Variants in OXR1 observed in about 807,000 individuals in gnomAD.
The protein encoded by OXR1 is oxidation resistance protein 1.
Under a neutral mutation model 104.6 loss-of-function variants are expected in OXR1, and 41 were observed. The ratio of observed to expected loss-of-function variants is 0.39; its 90% CI spans 0.31 to 0.51. The LOEUF (loss-of-function observed/expected upper bound fraction) is 0.51. OXR1 is among the 20% of genes least tolerant of loss of function. The pLI, the probability that OXR1 is intolerant of heterozygous loss-of-function variation, is 0.77. For missense variants in OXR1, 955 were observed against 1,031.9 expected, an observed-to-expected ratio of 0.93 and a Z score of 1.02; for synonymous variants, 348 against 348.4, an observed-to-expected ratio of 1.00 and a Z score of 0.01.
intron 3 of OXR1, among the ~76,000 whole-genome samples, chr8:106,571,040 G>A (rs1817433112): frequency 6.6e-6 from 1 of 151,914 alleles, no homozygotes; most frequent in Non-Finnish European, 1.5e-5. Flanking sequence ...GGGACACATT[G>A]TTCCAAAGAG....
rs147367425 is a variant in OXR1, at chr8:106,371,138, A to G, written c.23+11502A>G. Among the ~76,000 whole-genome samples the G allele has an allele frequency of 3.1e-3, 465 of 151,984 alleles. 9 individuals carry two copies. The highest frequency in any genetic ancestry group is 0.024 in the Admixed American group (359 of 15,268). ...TCCTGGTTTAGTCTTGGTAGCATGTATGCGTCCAGGAATTTATCCATTTCT... is the reference window on the plus strand; with the variant it reads ...TCCTGGTTTAGTCTTGGTAGCATGTGTGCGTCCAGGAATTTATCCATTTCT... On this transcript the variant is annotated intron_variant, in intron 2 of 16. Coordinates refer to ENST00000517566, the MANE Select transcript of OXR1 (RefSeq NM_001198533.2).
chr8:106,699,328 A>T (rs1036187620), intron 7 of OXR1, among the ~76,000 whole-genome samples: 1 of 152,140 alleles, frequency 6.6e-6, no homozygotes, highest in African/African-American at 2.4e-5. Context: ...GCTGGAAGGG[A>T]ACCCTTTGTA....
chr8:106,590,516 G>A (rs879663250), intron 3 of OXR1, among the ~76,000 whole-genome samples: 2 of 152,132 alleles, frequency 1.3e-5, no homozygotes, highest in Non-Finnish European at 1.5e-5. Context: ...TCAATCTCCT[G>A]ACCTCATGGT....
At chr8:106,725,046 A>G (rs2131483020) in intron 11 of OXR1, among the ~76,000 whole-genome samples, 1 of 152,308 alleles carries the variant, frequency 6.6e-6, no homozygotes, top group Admixed American at 6.5e-5. Flanking sequence ...GAGTGTGACC[A>G]CAATGCACTG....
chr8:106,403,189 C>G (rs899928354), intron 2 of OXR1, among the ~76,000 whole-genome samples: 1 of 152,218 alleles, frequency 6.6e-6, no homozygotes, highest in Non-Finnish European at 1.5e-5. Flanking sequence ...CAAGACTTTT[C>G]TGCTTATACC....
chr8:106,609,891 G>A (rs1199718353), intron 3 of OXR1, among the ~76,000 whole-genome samples: 2 of 151,754 alleles, frequency 1.3e-5, no homozygotes, highest in African/African-American at 4.8e-5. Flanking sequence ...CAAACAGAAA[G>A]CAAATGGGAT....
rs555395058 is a variant in OXR1, at chr8:106,354,439, A to C, written c.-138-5037A>C. ...TGCCCTGAGTGGAATTCAAATATATATGTACCTCATTACCTGCACAGTACA... is the reference window on the plus strand; with the variant it reads ...TGCCCTGAGTGGAATTCAAATATATCTGTACCTCATTACCTGCACAGTACA... On this transcript the variant is annotated intron_variant, in intron 1 of 16. Transcript: ENST00000517566. 5.6e-4 allele frequency among the ~76,000 whole-genome samples: 85 copies of C among 152,264 alleles called. 1 individual carries two copies. In the South Asian group the frequency reaches 0.017, roughly 30 times the overall value.
intron 7 of OXR1, among the ~76,000 whole-genome samples, chr8:106,696,936 T>C (rs955001656): frequency 2.0e-5 from 3 of 152,162 alleles, no homozygotes; most frequent in African/African-American, 7.2e-5. Context: ...CAGCTGTGGC[T>C]GGGGCAGCAG....
intron 11 of OXR1, among the ~76,000 whole-genome samples, chr8:106,722,186 C>A (rs114418827): frequency 2.6e-5 from 4 of 152,018 alleles, no homozygotes; most frequent in Non-Finnish European, 5.9e-5. Context: ...ATATGTTAAA[C>A]GCACAAAACC....
intron 1 of OXR1, among the ~76,000 whole-genome samples, chr8:106,340,236 C>A (rs888453475): frequency 2.1e-5 from 3 of 146,046 alleles, no homozygotes; most frequent in Admixed American, 6.8e-5. Context: ...AAAAAAAAAA[C>A]CTTCTGACTT....
At chr8:106,551,790 A>T (rs1020185981) in intron 3 of OXR1, among the ~76,000 whole-genome samples, 3 of 25,418 alleles carry the variant, frequency 1.2e-4, no homozygotes, top group Non-Finnish European at 4.0e-4. Flanking sequence ...TCCACTATAC[A>T]TATATATATA....
At chr8:106,363,727 G>T (rs1816346056) in intron 2 of OXR1, among the ~76,000 whole-genome samples, 1 of 152,036 alleles carries the variant, frequency 6.6e-6, no homozygotes. Context: ...TAGCCATCTA[G>T]GTTGGACCTT....
At chr8:106,663,917 C>T (rs1826013217) in intron 3 of OXR1, among the ~76,000 whole-genome samples, 1 of 152,062 alleles carries the variant, frequency 6.6e-6, no homozygotes, top group African/African-American at 2.4e-5. Context: ...CTGGAGTGTA[C>T]CAGTTGTTAC....
chr8:106,406,707 AAT>A (rs1818250794), intron 2 of OXR1, among the ~76,000 whole-genome samples: 2 of 152,152 alleles, frequency 1.3e-5, no homozygotes. Context: ...GAGAGGGATG[AAT>A]AGGTAGAGTA....
intron 2 of OXR1, among the ~76,000 whole-genome samples, chr8:106,483,823 A>G (rs1012916672): frequency 2.0e-5 from 3 of 151,896 alleles, no homozygotes; most frequent in Non-Finnish European, 4.4e-5. Context: ...TGGGGAACCA[A>G]CCTCCCCCAG....
chr8:106,456,871 G>T (rs1001683747), intron 2 of OXR1, among the ~76,000 whole-genome samples: 7 of 152,178 alleles, frequency 4.6e-5, no homozygotes, highest in African/African-American at 1.7e-4. Flanking sequence ...GTGTTTGTGT[G>T]TGTTGTATGT....
chr8:106,710,661 A>G lies in OXR1; in HGVS notation c.1664A>G (p.His555Arg), dbSNP rs772871191. Residue 555 changes from histidine to arginine, a missense_variant, in exon 10 of 17, where the codon CAT (histidine) becomes CGT (arginine). Coordinates refer to ENST00000517566, the MANE Select transcript of OXR1 (RefSeq NM_001198533.2). ...AAAGAAAAGCAAAGGCATCGATTAC[A>G]TAAGTTCTTGTGTCTCAGAGTTGGA... is the stretch of plus-strand genomic sequence containing the variant. The part of the protein sequence containing the change: ...LLKEKQRHRL[H>R]KFLCLRVGKP... 5.0e-6 allele frequency: 8 copies of G among 1,596,924 alleles called. No individual in the cohort carries two copies. In the African/African-American group the frequency reaches 5.4e-5, roughly 11 times the overall value.
intron 1 of OXR1, among the ~76,000 whole-genome samples, chr8:106,359,140 A>G (rs1268246909): frequency 2.1e-5 from 3 of 145,970 alleles, no homozygotes; most frequent in Non-Finnish European, 4.5e-5. Context: ...TAATCTTTTT[A>G]TCACAGGTAT....
At chr8:106,543,844 T>A (rs2130349479) in intron 3 of OXR1, among the ~76,000 whole-genome samples, 1 of 152,282 alleles carries the variant, frequency 6.6e-6, no homozygotes, top group East Asian at 1.9e-4. Context: ...CAGCCCTAAG[T>A]CTACCATGTC....
Sources: gnomAD v4.1 joint callset for allele counts (sites outside exome capture counted in the v4.1 genomes callset) on GRCh38, gnomAD v4.1.1 for gene constraint, MANE v1.5 for transcripts, NCBI Gene and HGNC (gene_info 2026-07-23, HGNC 2026-07-21) for gene names.